The following RBFOX1 variants were observed in gnomAD, a reference collection of about 807,000 sequenced individuals.
The protein encoded by RBFOX1 is RNA binding protein fox-1 homolog 1.
Under a neutral mutation model 57.7 loss-of-function variants are expected in RBFOX1, and 8 were observed. The observed-to-expected ratio is 0.14, with a 90% CI of 0.08 to 0.25. The LOEUF is 0.25. Ranked by LOEUF, RBFOX1 falls within the 10% of genes least tolerant of loss-of-function variation. The probability of loss-of-function intolerance (pLI) is 1.00; values close to 1 mark genes in which losing one functional copy is unlikely to be tolerated. For missense variants in RBFOX1, 611 were observed against 548.5 expected (o/e 1.11, Z -1.14); for synonymous variants, 326 against 222.4 (o/e 1.47, Z -4.15).
intron 4 of RBFOX1, among the ~76,000 whole-genome samples, chr16:7,067,185 G>T (rs2056267082): frequency 6.6e-6 from 1 of 152,158 alleles, no homozygotes; most frequent in Non-Finnish European, 1.5e-5. Context: ...ACCAAACCCA[G>T]AGGGTGATCT....
At chr16:6,824,744 C>T (rs1329280278) in intron 3 of RBFOX1, among the ~76,000 whole-genome samples, 1 of 151,860 alleles carries the variant, frequency 6.6e-6, no homozygotes, top group Non-Finnish European at 1.5e-5. Flanking sequence ...AGTCCAAAAG[C>T]TTTCTTTAAA....
At chr16:5,687,776 CT>C (rs1280139911) in intron 3 of RBFOX1, among the ~76,000 whole-genome samples, 1 of 152,190 alleles carries the variant, frequency 6.6e-6, no homozygotes, top group Non-Finnish European at 1.5e-5. Context: ...CCACTAATGG[CT>C]CTGCTGTCGG....
At chr16:7,369,047 G>C (rs1369681040) in intron 4 of RBFOX1, among the ~76,000 whole-genome samples, 14 of 152,084 alleles carry the variant, frequency 9.2e-5, no homozygotes, top group Admixed American at 9.2e-4. Flanking sequence ...GAGATAGCAT[G>C]GTGGTGGTAG....
chr16:5,859,076 G>A (rs1179326877), intron 3 of RBFOX1, among the ~76,000 whole-genome samples: 1 of 152,146 alleles, frequency 6.6e-6, no homozygotes, highest in African/African-American at 2.4e-5. Flanking sequence ...ATGATTGTGG[G>A]TGCCTGTGGT....
chr16:5,761,690 C>T (rs1231142698), intron 3 of RBFOX1, among the ~76,000 whole-genome samples: 1 of 152,154 alleles, frequency 6.6e-6, no homozygotes, highest in African/African-American at 2.4e-5. Context: ...TTCCAGCACA[C>T]ATAGGAATTA....
chr16:7,267,739 C>T (rs2095204481), intron 4 of RBFOX1, among the ~76,000 whole-genome samples: 1 of 151,788 alleles, frequency 6.6e-6, no homozygotes, highest in Non-Finnish European at 1.5e-5. Flanking sequence ...GCCTGTAGTC[C>T]CAGCTACTTG....
At chr16:6,890,045 A>G (rs1271364356) in intron 3 of RBFOX1, among the ~76,000 whole-genome samples, 5 of 152,234 alleles carry the variant, frequency 3.3e-5, no homozygotes, top group Non-Finnish European at 5.9e-5. Flanking sequence ...CACTTATACT[A>G]GAAGTTGATT....
At chr16:7,622,125 A>C (rs548701964) in intron 10 of RBFOX1, among the ~76,000 whole-genome samples, 9 of 152,268 alleles carry the variant, frequency 5.9e-5, no homozygotes, top group African/African-American at 2.2e-4. Context: ...AAAAGTCTGT[A>C]GTTGGTCAGC....
At chr16:7,571,324 A>C (rs935532016) in intron 5 of RBFOX1, among the ~76,000 whole-genome samples, 4 of 152,144 alleles carry the variant, frequency 2.6e-5, no homozygotes, top group African/African-American at 9.7e-5. Context: ...AGGAAACCCC[A>C]GGAGGGGGAC....
intron 3 of RBFOX1, among the ~76,000 whole-genome samples, chr16:5,629,217 G>C (rs2880427): frequency 6.6e-6 from 1 of 152,142 alleles, no homozygotes; most frequent in African/African-American, 2.4e-5. Context: ...AAGCAGAAGT[G>C]ATTCTAGAAT....
intron 4 of RBFOX1, among the ~76,000 whole-genome samples, chr16:5,959,357 T>A (rs954271172): frequency 1.3e-5 from 2 of 152,184 alleles, no homozygotes; most frequent in Non-Finnish European, 2.9e-5. Context: ...CTGGAGAGAT[T>A]TCTCAGGCCC....
intron 14 of RBFOX1, among the ~76,000 whole-genome samples, chr16:7,701,952 C>G (rs1373677983): frequency 6.6e-6 from 1 of 152,164 alleles, no homozygotes; most frequent in African/African-American, 2.4e-5. Flanking sequence ...GCCTGAGGTT[C>G]TGGAAACCCT....
chr16:6,361,429 A>T (rs1405397542), intron 2 of RBFOX1, among the ~76,000 whole-genome samples: 1 of 151,962 alleles, frequency 6.6e-6, no homozygotes, highest in Non-Finnish European at 1.5e-5. Context: ...GGAGTTCGAG[A>T]CCAGCCTGGC....
chr16:7,386,754 T>A (rs2097889792), intron 4 of RBFOX1, among the ~76,000 whole-genome samples: 1 of 152,162 alleles, frequency 6.6e-6, no homozygotes, highest in South Asian at 2.1e-4. Context: ...GTAATGGGAT[T>A]GCTGGGTCTA....
chr16:5,655,374 T>C (rs115985512), intron 3 of RBFOX1, among the ~76,000 whole-genome samples: 3,523 of 152,228 alleles, frequency 0.023, 119 homozygotes, highest in African/African-American at 0.08. Flanking sequence ...TGGAAAGACA[T>C]CAAGCATCAC....
intron 1 of RBFOX1, among the ~76,000 whole-genome samples, chr16:6,306,209 C>T (rs1238467839): frequency 6.6e-6 from 1 of 152,124 alleles, no homozygotes; most frequent in Admixed American, 6.5e-5. Flanking sequence ...GAGATAAATG[C>T]AATGACAAGG....
intron 3 of RBFOX1, among the ~76,000 whole-genome samples, chr16:5,676,307 C>G (rs1301879910): frequency 1.3e-5 from 2 of 151,752 alleles, no homozygotes; most frequent in African/African-American, 2.4e-5. Flanking sequence ...ATTTGTGTAT[C>G]CATTCATCTA....
intron 4 of RBFOX1, among the ~76,000 whole-genome samples, chr16:5,881,680 AAAAAAAAAGTTTTTTT>A (rs1323355212): frequency 6.6e-6 from 1 of 151,836 alleles, no homozygotes; most frequent in East Asian, 1.9e-4. Context: ...ACTCCATCTC[AAAAAAAAAGTTTTTTT>A]AAAAAAAGAT....
intron 2 of RBFOX1, among the ~76,000 whole-genome samples, chr16:6,468,591 A>T (rs1260580025): frequency 1.3e-5 from 2 of 151,846 alleles, no homozygotes; most frequent in African/African-American, 2.4e-5. Context: ...AAAAATTCTC[A>T]TCTGTTAAGT....
Sources: gnomAD v4.1 joint callset for allele counts (sites outside exome capture counted in the v4.1 genomes callset) on GRCh38, gnomAD v4.1.1 for gene constraint, MANE v1.5 for transcripts, NCBI Gene and HGNC (gene_info 2026-07-23, HGNC 2026-07-21) for gene names.